The following DEF6 variants were observed in gnomAD, a reference collection of about 807,000 sequenced individuals.
DEF6 encodes the protein differentially expressed in FDCP 6 homolog.
DEF6 carries 32 observed loss-of-function variants against 80.5 expected under a neutral mutation model. The observed-to-expected ratio is 0.40, with a 90% CI of 0.30 to 0.53. DEF6 has a LOEUF of 0.53. Among genes scored for constraint, DEF6 ranks in the 20% least tolerant of loss-of-function variants. The pLI, the probability that DEF6 is intolerant of heterozygous loss-of-function variation, is 0.57. For missense variants in DEF6, 575 were observed against 818.7 expected (o/e 0.70, Z 3.63); for synonymous variants, 300 against 337.9 (o/e 0.89, Z 1.23).
At chr6:35,311,737 C>A (rs1791469728) in intron 3 of DEF6, among the ~76,000 whole-genome samples, 1 of 152,204 alleles carries the variant, frequency 6.6e-6, no homozygotes, top group South Asian at 2.1e-4. Context: ...TGTCCCTGCC[C>A]AGCTTACCTC....
rs771987663 is a variant in DEF6 at position 35,312,448 on chromosome 6, G to C, written c.570G>C (p.Ser190=). The change falls in exon 4 of 11, where the codon TCG becomes TCC. Residue 190 remains serine, a synonymous_variant. Transcript: ENST00000316637. The surrounding 1 kb of genome is among the most constrained non-coding windows in gnomAD (Gnocchi z 6.6). ...GGCAGTTCCTGGAGCTCTTCAATTC[G>C]GGCCGCTGCCTGCGGGGCGTGGGCC... is the stretch of plus-strand genomic sequence containing the variant. ...SVWQFLELFN[S]GRCLRGVGRD... is the part of the protein sequence containing the mutation. The C allele has an allele frequency of 1.2e-6, 2 of 1,614,008 alleles. No homozygotes were observed. The highest frequency in any genetic ancestry group is 1.7e-6 in the Non-Finnish European group (2 of 1,180,044).
At position 35,318,448 on chromosome 6, in the gene DEF6, G is replaced by A. The variant is rs772827770; in HGVS notation, c.1192G>A (p.Gly398Ser). 5 of 1,473,962 alleles carry A rather than the reference G, an allele frequency of 3.4e-6. No individual in the cohort carries two copies. The African/African-American group carries it at 4.4e-5, about 13-fold the overall frequency. 91.3% of individuals were successfully genotyped at this position (1,473,962 alleles called of 1,614,324 possible). A position where few individuals can be genotyped will look rare whatever the true frequency, so the allele number is the denominator to read the frequency against. Residue 398 changes from glycine (G) to serine (S), a missense_variant, in exon 7 of 11, where the codon GGC becomes AGC. By Grantham distance (56) the Gly-to-Ser change is moderately conservative (BLOSUM62 0). Coordinates refer to ENST00000316637, the MANE Select transcript of DEF6 (RefSeq NM_022047.4). The surrounding 1 kb of genome is among the most constrained non-coding windows in gnomAD (Gnocchi z 5.1). ...QHRELQQALE[G>S]QLREAEQARA... The stretch of plus-strand genomic sequence containing the variant: ...CCGCGAGCTGCAGCAGGCGCTCGAG[G>A]GCCAACTGCGCGAGGCGGAGCAGGT...
rs1470487702 is a variant in DEF6, at chr6:35,321,357, GCCCCGGCTTCCA to G, written c.1848_1859del (p.Ala617_Pro620del). The G allele has an allele frequency of 6.2e-7, 1 of 1,613,958 alleles. No homozygotes were observed. Among genetic ancestry groups the G allele is most frequent in the Non-Finnish European group, 8.5e-7 (1 of 1,179,998 alleles). Reference sequence around the variant, plus strand: ...CCTCAATGGTGGGGATGAGGCTCCTGCCCCGGCTTCCACCCCTCAGGAAGATAAACTGGATCC... The same window carrying G: ...CCTCAATGGTGGGGATGAGGCTCCTGCCCCTCAGGAAGATAAACTGGATCC... On this transcript the variant is annotated inframe_deletion, in exon 11 of 11. Transcript: ENST00000316637.
intron 10 of DEF6, 61 bp from the exon 11 acceptor site, chr6:35,321,126 G>C: frequency 6.3e-7 from 1 of 1,585,680 alleles, no homozygotes; most frequent in Non-Finnish European, 8.6e-7. Context: ...GCTGAGGCAA[G>C]GCCCCTCGCC....
At chr6:35,307,686 C>A (rs1791410792) in intron 1 of DEF6, among the ~76,000 whole-genome samples, 1 of 152,058 alleles carries the variant, frequency 6.6e-6, no homozygotes, top group East Asian at 1.9e-4. Flanking sequence ...GCTCACATAA[C>A]CAAAAACTCC....
intron 1 of DEF6, among the ~76,000 whole-genome samples, chr6:35,303,264 G>A (rs146341129): frequency 2.4e-4 from 37 of 152,266 alleles, no homozygotes; most frequent in Non-Finnish European, 5.1e-4. Flanking sequence ...GACAGTACAG[G>A]GCGACAGAAC....
At position 35,297,867 on chromosome 6, in the gene DEF6, G is replaced by A. The variant is rs138793522; in HGVS notation, c.11G>A (p.Arg4His). The part of the protein sequence containing the change: MAL[R>H]KELLKSIWYA... ...GCGGGCGCCTCAGCCATGGCCCTGC[G>A]CAAGGAACTGCTCAAGTCCATCTGG... is the stretch of plus-strand genomic sequence containing the variant. Residue 4 changes from arginine (R) to histidine (H), a missense_variant, in exon 1 of 11, where the codon CGC becomes CAC. By Grantham distance (29) the Arg-to-His change is conservative. Transcript: ENST00000316637. The A allele has an allele frequency of 8.7e-6, 14 of 1,602,136 alleles. No individual in the cohort carries two copies. Among genetic ancestry groups the A allele is most frequent in the African/African-American group, 1.3e-5 (1 of 74,866 alleles).
rs79308887 is a variant in DEF6 at position 35,303,538 on chromosome 6, G to A, written c.96+5586G>A. On this transcript the variant is annotated intron_variant, in intron 1 of 10. Transcript: ENST00000316637. ...CCCGTGATACCACAGTGAAAAAAACGCAAATGTTTCTACCCTTGTGGTGCT... is the reference window on the plus strand; with the variant it reads ...CCCGTGATACCACAGTGAAAAAAACACAAATGTTTCTACCCTTGTGGTGCT... 5.5e-4 allele frequency among the ~76,000 whole-genome samples: 83 copies of A among 152,268 alleles called. No individual in the cohort carries two copies. In the East Asian group the frequency reaches 0.012, roughly 22 times the overall value.
At chr6:35,305,683 C>T (rs1402389241) in intron 1 of DEF6, among the ~76,000 whole-genome samples, 5 of 151,998 alleles carry the variant, frequency 3.3e-5, no homozygotes, top group African/African-American at 1.2e-4. Context: ...AAGCAATTCT[C>T]CTGCCTCAGC....
At chr6:35,298,062 A>G in intron 1 of DEF6, 110 bp downstream of exon 1, 1 of 998,296 alleles carries the variant, frequency 1.0e-6, no homozygotes. Flanking sequence ...CCAGCCATCC[A>G]GCGTCCCGGG....
intron 1 of DEF6, among the ~76,000 whole-genome samples, chr6:35,302,532 C>T (rs1220873929): frequency 6.6e-6 from 1 of 152,126 alleles, no homozygotes; most frequent in East Asian, 1.9e-4. Flanking sequence ...CCCCAATCCC[C>T]ACACTTGAGT....
chr6:35,306,534 T>G (rs181288018), intron 1 of DEF6, among the ~76,000 whole-genome samples: 249 of 151,856 alleles, frequency 1.6e-3, no homozygotes, highest in Non-Finnish European at 1.9e-3. Context: ...AAGATGAAAG[T>G]TTCTCCCCTC....
rs962891402 is a variant in DEF6 at position 35,313,356 on chromosome 6, T to C, written c.807+584T>C. The C allele has an allele frequency of 7.2e-6, 3 of 419,192 alleles. No homozygotes were observed. The Admixed American group carries it at 9.5e-5, about 13-fold the overall frequency. 26.0% of individuals were successfully genotyped at this position (419,192 alleles called of 1,614,324 possible). On this transcript the variant is annotated intron_variant, in intron 5 of 10. Coordinates refer to ENST00000316637, the MANE Select transcript of DEF6 (RefSeq NM_022047.4). ...AAAAATTCTTTTGATATATAACAGA[T>C]GTACATATTTTCAGGGTACATGTGA...
intron 5 of DEF6, chr6:35,317,651 C>G (rs758604627): frequency 1.3e-5 from 6 of 467,120 alleles, no homozygotes; most frequent in Non-Finnish European, 2.3e-5. Context: ...GTACTGGGCC[C>G]CGTGGAATAA....
intron 5 of DEF6, among the ~76,000 whole-genome samples, chr6:35,313,021 T>A (rs1791488333): frequency 6.6e-6 from 1 of 152,182 alleles, no homozygotes; most frequent in South Asian, 2.1e-4. Flanking sequence ...TGCTCAAGAT[T>A]TCAGAGGAAG....
chr6:35,314,153 A>G (rs956781945), intron 5 of DEF6, among the ~76,000 whole-genome samples: 1 of 152,188 alleles, frequency 6.6e-6, no homozygotes, highest in Non-Finnish European at 1.5e-5. Context: ...CATGCCTGTA[A>G]TCCCAGCACT....
In DEF6 at chr6:35,321,684, G is replaced by A; in HGVS notation, c.*274G>A. On this transcript the variant is annotated 3_prime_UTR_variant, in exon 11 of 11. Coordinates refer to ENST00000316637, the MANE Select transcript of DEF6 (RefSeq NM_022047.4). ...GACCCGATTCTTGGGCTAGGAAAGA[G>A]AGAACAAGCAAGCCGGGGCTACCTG... is the stretch of plus-strand genomic sequence containing the variant. 1 of 330,780 alleles carries A rather than the reference G, an allele frequency of 3.0e-6. No individual in the cohort carries two copies. The highest frequency in any genetic ancestry group is 5.5e-6 in the Non-Finnish European group (1 of 182,306). 20.5% of individuals were successfully genotyped at this position (330,780 alleles called of 1,614,324 possible).
In DEF6 at chr6:35,321,034, A is replaced by G. The variant is rs562181362; in HGVS notation, c.1672+60A>G. On this transcript the variant is annotated intron_variant, in intron 10 of 10. Coordinates refer to ENST00000316637, the MANE Select transcript of DEF6 (RefSeq NM_022047.4). The stretch of plus-strand genomic sequence containing the variant: ...GCTGGGAGGGAGAAAGGAGGGAGAA[A>G]GGTCTCCCTGGGAGACCTCCAGATC... 348 of 1,587,400 alleles carry G rather than the reference A, an allele frequency of 2.2e-4. 3 individuals carry two copies. The South Asian group carries it at 2.9e-3, about 13-fold the overall frequency.
At position 35,319,642 on chromosome 6, in the gene DEF6, A is replaced by T; in HGVS notation, c.1334A>T (p.Glu445Val). ...CGGTTGCAGGAGGCCCTGCAACTAG[A>T]GGTGAAAGCTCGGCGAGATGAAGAA... ...QQRLQEALQL[E>V]VKARRDEESV... Residue 445 changes from glutamate (E) to valine (V), a missense_variant, in exon 8 of 11, where the codon GAG becomes GTG. By Grantham distance (121) the Glu-to-Val change is moderately radical. Transcript: ENST00000316637. The surrounding 1 kb of genome is among the most constrained non-coding windows in gnomAD (Gnocchi z 4.5). The T allele has an allele frequency of 1.9e-6, 3 of 1,613,664 alleles. No individual in the cohort carries two copies. The South Asian group carries it at 3.3e-5, about 18-fold the overall frequency.
Sources: gnomAD v4.1 joint callset for allele counts (sites outside exome capture counted in the v4.1 genomes callset) on GRCh38, gnomAD v4.1.1 for gene constraint, Gnocchi (gnomAD v3.1) non-coding constraint, MANE v1.5 for transcripts, NCBI Gene and HGNC (gene_info 2026-07-23, HGNC 2026-07-21) for gene names.